Variants in DNER observed in about 807,000 individuals in gnomAD.
DNER encodes the protein delta/notch like EGF repeat containing, also known as delta and Notch-like epidermal growth factor-related receptor.
A neutral mutation model predicts 78.2 loss-of-function variants in DNER; 33 were observed. That is an observed-to-expected ratio of 0.42 (90% confidence interval 0.32 to 0.56). The LOEUF is 0.56. DNER is among the 20% of genes least tolerant of loss of function. The pLI, the probability that DNER is intolerant of heterozygous loss-of-function variation, is 0.11. For missense variants in DNER, 918 were observed against 975.3 expected (o/e 0.94, Z 0.78); for synonymous variants, 417 against 384.8 (o/e 1.08, Z -0.98).
chr2:229,667,640 T>C (rs963064471), intron 1 of DNER, among the ~76,000 whole-genome samples: 1 of 152,182 alleles, frequency 6.6e-6, no homozygotes, highest in African/African-American at 2.4e-5. Context: ...TGACAGCCAT[T>C]TGGGAGTTGT....
chr2:229,607,610 C>A (rs1697963271), intron 1 of DNER, among the ~76,000 whole-genome samples: 1 of 152,100 alleles, frequency 6.6e-6, no homozygotes, highest in South Asian at 2.1e-4. Context: ...GCTTTATTCC[C>A]TCCCAGAAAT....
At chr2:229,409,558 T>C (rs1559344008) in intron 9 of DNER, among the ~76,000 whole-genome samples, 2 of 152,236 alleles carry the variant, frequency 1.3e-5, no homozygotes, top group Non-Finnish European at 2.9e-5. Flanking sequence ...TTCAACAAAA[T>C]AAGACTTGAT....
intron 1 of DNER, among the ~76,000 whole-genome samples, chr2:229,648,531 T>C (rs1009668887): frequency 1.3e-5 from 2 of 152,256 alleles, no homozygotes; most frequent in Admixed American, 6.5e-5. Context: ...AAGTGCCGAA[T>C]TGAAGCTGTC....
chr2:229,668,262 T>G (rs1699129527), intron 1 of DNER, among the ~76,000 whole-genome samples: 1 of 151,944 alleles, frequency 6.6e-6, no homozygotes, highest in Admixed American at 6.6e-5. Context: ...TGTAGGCTCA[T>G]GACTCTGTCA....
intron 10 of DNER, among the ~76,000 whole-genome samples, chr2:229,400,814 G>T (rs1693250656): frequency 6.6e-6 from 1 of 151,992 alleles, no homozygotes; most frequent in Non-Finnish European, 1.5e-5. Flanking sequence ...GATAAGTGTG[G>T]ACTACACAAC....
At chr2:229,383,020 G>A (rs1197965862) in intron 11 of DNER, among the ~76,000 whole-genome samples, 9 of 152,092 alleles carry the variant, frequency 5.9e-5, no homozygotes, top group South Asian at 2.1e-4. Context: ...GAGAAAGGTC[G>A]GGTTACCCAC....
intron 1 of DNER, among the ~76,000 whole-genome samples, chr2:229,676,593 C>T (rs1574559110): frequency 6.6e-6 from 1 of 152,176 alleles, no homozygotes; most frequent in East Asian, 1.9e-4. Flanking sequence ...TCTTCCCATC[C>T]ATCCCTGTTT....
intron 1 of DNER, among the ~76,000 whole-genome samples, chr2:229,674,048 AC>A (rs1699256687): frequency 6.6e-6 from 1 of 152,046 alleles, no homozygotes; most frequent in Admixed American, 6.5e-5. Context: ...CTTGAACACA[AC>A]CCCTATTGGT....
intron 11 of DNER, among the ~76,000 whole-genome samples, chr2:229,375,871 C>A (rs975300728): frequency 5.9e-5 from 9 of 152,170 alleles, no homozygotes; most frequent in African/African-American, 2.2e-4. Context: ...CCCCATAATC[C>A]TCATAATCCC....
intron 9 of DNER, among the ~76,000 whole-genome samples, chr2:229,413,321 C>CTTTTTTTTTTTTTTTTTT (rs398061160): frequency 3.2e-4 from 22 of 67,778 alleles, no homozygotes; most frequent in Admixed American, 6.8e-4. Context: ...TTTTCTTCTT[C>CTTTTTTTTTTTTTTTTTT]TTTTTTTTTT....
intron 8 of DNER, among the ~76,000 whole-genome samples, chr2:229,421,540 A>G (rs1246942516): frequency 1.3e-5 from 2 of 150,104 alleles, no homozygotes; most frequent in Non-Finnish European, 3.0e-5. Flanking sequence ...CTATATCTCT[A>G]TATCTATATT....
At chr2:229,507,478 C>T (rs1400364730) in intron 6 of DNER, among the ~76,000 whole-genome samples, 1 of 152,110 alleles carries the variant, frequency 6.6e-6, no homozygotes, top group Non-Finnish European at 1.5e-5. Context: ...TTCCCATTAA[C>T]AAGCAAAAAT....
At chr2:229,558,698 A>G (rs746821045) in intron 4 of DNER, among the ~76,000 whole-genome samples, 9 of 151,896 alleles carry the variant, frequency 5.9e-5, no homozygotes, top group Non-Finnish European at 8.8e-5. Flanking sequence ...GCAGTGTAGG[A>G]TGGAGGGAGA....
chr2:229,411,817 T>C (rs1425371963), intron 9 of DNER, among the ~76,000 whole-genome samples: 4 of 152,134 alleles, frequency 2.6e-5, no homozygotes, highest in African/African-American at 9.7e-5. Context: ...CATAATATCC[T>C]ATTATGAGTG....
intron 8 of DNER, among the ~76,000 whole-genome samples, chr2:229,425,376 G>A (rs1574837709): frequency 6.6e-6 from 1 of 152,126 alleles, no homozygotes; most frequent in African/African-American, 2.4e-5. Context: ...TCTAGCTAGT[G>A]CTCTTCCTAC....
intron 4 of DNER, among the ~76,000 whole-genome samples, chr2:229,561,391 A>G (rs1252190084): frequency 1.3e-5 from 2 of 152,184 alleles, no homozygotes; most frequent in African/African-American, 2.4e-5. Context: ...TCACCTGAAG[A>G]TAGATTGGCT....
chr2:229,432,254 GT>G (rs1246332376), intron 8 of DNER, among the ~76,000 whole-genome samples: 1 of 152,124 alleles, frequency 6.6e-6, no homozygotes, highest in East Asian at 1.9e-4. Flanking sequence ...TATAATTGAG[GT>G]GAGGAAGATG....
intron 6 of DNER, among the ~76,000 whole-genome samples, chr2:229,480,703 G>C (rs1695138881): frequency 6.6e-6 from 1 of 152,214 alleles, no homozygotes; most frequent in Non-Finnish European, 1.5e-5. Flanking sequence ...CAGGACTTGA[G>C]ATGGCCTAAT....
chr2:229,525,087 C>T (rs376939107), intron 5 of DNER, among the ~76,000 whole-genome samples: 189 of 152,330 alleles, frequency 1.2e-3, no homozygotes, highest in Non-Finnish European at 2.1e-3. Flanking sequence ...CCATGGGGCT[C>T]TTTCACATGT....
Sources: gnomAD v4.1 joint callset for allele counts (sites outside exome capture counted in the v4.1 genomes callset) on GRCh38, gnomAD v4.1.1 for gene constraint, MANE v1.5 for transcripts, NCBI Gene and HGNC (gene_info 2026-07-23, HGNC 2026-07-21) for gene names.